Variants in ROR1 observed in about 807,000 individuals in gnomAD.
ROR1 encodes ROR family WNT receptor 1, also known as inactive tyrosine-protein kinase transmembrane receptor ROR1.
Under a neutral mutation model 78.8 loss-of-function variants are expected in ROR1, and 19 were observed. The observed-to-expected ratio is 0.24, with a 90% CI of 0.17 to 0.35. ROR1 has a LOEUF of 0.35. ROR1 is among the 10% of genes least tolerant of loss of function. The pLI, the probability that ROR1 is intolerant of heterozygous loss-of-function variation, is 1.00. For synonymous variants in ROR1, 386 were observed against 433.6 expected, an observed-to-expected ratio of 0.89 and a Z score of 1.36; for missense variants, 917 against 1,177.8, an observed-to-expected ratio of 0.78 and a Z score of 3.24.
At chr1:63,970,379 A>G (rs1294149755) in intron 1 of ROR1, among the ~76,000 whole-genome samples, 1 of 152,230 alleles carries the variant, frequency 6.6e-6, no homozygotes, top group Non-Finnish European at 1.5e-5. Context: ...ATTGATTAAA[A>G]GATAAATTTT....
At chr1:63,776,529 T>C (rs1055011688) in intron 1 of ROR1, among the ~76,000 whole-genome samples, 2 of 152,062 alleles carry the variant, frequency 1.3e-5, no homozygotes, top group Non-Finnish European at 2.9e-5. Flanking sequence ...CAGAACAGGA[T>C]AGGGATTTTT....
At chr1:64,089,789 T>C (rs1647180757) in intron 4 of ROR1, among the ~76,000 whole-genome samples, 1 of 152,158 alleles carries the variant, frequency 6.6e-6, no homozygotes, top group Non-Finnish European at 1.5e-5. Context: ...TACGGTTTGG[T>C]TGTTTCCCTA....
chr1:63,903,071 C>T (rs1645498830), intron 1 of ROR1, among the ~76,000 whole-genome samples: 1 of 152,146 alleles, frequency 6.6e-6, no homozygotes, highest in Non-Finnish European at 1.5e-5. Context: ...ACATGACCAC[C>T]CTCAGCTGCC....
rs112423773 is a variant in ROR1 at position 64,014,713 on chromosome 1, C to CTATATATATATA, written c.163+5340_163+5351dup. On this transcript the variant is annotated intron_variant, in intron 2 of 8. Transcript: ENST00000371079. ...GCAAATAGTTCTCTGTGCTGACAGA[C>CTATATATATATA]TATATATATATATACACATACGCAC... Among the ~76,000 whole-genome samples the CTATATATATATA allele has an allele frequency of 9.2e-4, 27 of 29,318 alleles. 5 individuals are homozygous for CTATATATATATA. The South Asian group carries it at 0.048, about 53-fold the overall frequency. The allele number at this position is 29,318 out of a possible 152,430, so 19.2% of individuals were successfully genotyped here. A position where few individuals can be genotyped will look rare whatever the true frequency, so the allele number is the denominator to read the frequency against.
In ROR1 at chr1:63,944,145, A is replaced by C. The variant is rs548417277; in HGVS notation, c.92-65160A>C. Among the ~76,000 whole-genome samples, 12 of 152,322 alleles carry C rather than the reference A, an allele frequency of 7.9e-5. No homozygotes were observed. The South Asian group carries it at 2.5e-3, about 32-fold the overall frequency. On this transcript the variant is annotated intron_variant, in intron 1 of 8. Coordinates refer to ENST00000371079, the MANE Select transcript of ROR1 (RefSeq NM_005012.4). ...ATATGCTTCTAGTCTCTCATGCCTG[A>C]AATAAACTTGCTGGAATGTGAGTCT...
At chr1:63,871,016 A>G (rs1443479268) in intron 1 of ROR1, among the ~76,000 whole-genome samples, 1 of 152,210 alleles carries the variant, frequency 6.6e-6, no homozygotes, top group East Asian at 1.9e-4. Context: ...TGCCCACCTC[A>G]CTTGGTTGTG....
chr1:63,904,361 G>A (rs555804160), intron 1 of ROR1, among the ~76,000 whole-genome samples: 2 of 152,196 alleles, frequency 1.3e-5, no homozygotes, highest in Non-Finnish European at 2.9e-5. Context: ...AGTTGGAAGA[G>A]CCATGCCCTT....
intron 4 of ROR1, among the ~76,000 whole-genome samples, chr1:64,085,037 G>A (rs981581744): frequency 3.9e-5 from 6 of 152,118 alleles, no homozygotes; most frequent in Admixed American, 6.5e-5. Flanking sequence ...CAAAATCAAC[G>A]GAGTGAGCAT....
chr1:63,910,317 C>A (rs1645560926), intron 1 of ROR1, among the ~76,000 whole-genome samples: 1 of 152,142 alleles, frequency 6.6e-6, no homozygotes, highest in Non-Finnish European at 1.5e-5. Context: ...CTGACCAAGA[C>A]AATGTCCTTG....
At chr1:63,997,180 A>G (rs1646343678) in intron 1 of ROR1, among the ~76,000 whole-genome samples, 1 of 152,162 alleles carries the variant, frequency 6.6e-6, no homozygotes, top group Non-Finnish European at 1.5e-5. Flanking sequence ...ATCTATGCCT[A>G]GAGTAGGATG....
chr1:64,059,096 T>C (rs992619401), intron 4 of ROR1, among the ~76,000 whole-genome samples: 2 of 152,226 alleles, frequency 1.3e-5, no homozygotes, highest in Non-Finnish European at 2.9e-5. Flanking sequence ...TGAGATTATC[T>C]AAGTTATTTT....
At chr1:63,891,004 C>T (rs1239004263) in intron 1 of ROR1, among the ~76,000 whole-genome samples, 2 of 152,126 alleles carry the variant, frequency 1.3e-5, no homozygotes, top group East Asian at 3.9e-4. Context: ...TATTTTTCTG[C>T]CTGGTGTTCA....
chr1:63,843,284 G>T (rs879057843), intron 1 of ROR1: 4 of 1,432,558 alleles, frequency 2.8e-6, no homozygotes, highest in Non-Finnish European at 3.9e-6. Flanking sequence ...AGCAGTTTGT[G>T]TGTAATTCAT....
chr1:63,992,422 G>A (rs1029624760), intron 1 of ROR1, among the ~76,000 whole-genome samples: 1 of 152,098 alleles, frequency 6.6e-6, no homozygotes, highest in Non-Finnish European at 1.5e-5. Context: ...TGGCCAGGAT[G>A]GTCTTGAACT....
At chr1:64,080,993 C>T (rs1003601792) in intron 4 of ROR1, among the ~76,000 whole-genome samples, 3 of 152,246 alleles carry the variant, frequency 2.0e-5, no homozygotes, top group Non-Finnish European at 4.4e-5. Flanking sequence ...CATGTACCTA[C>T]ACCTCTGTGT....
intron 7 of ROR1, among the ~76,000 whole-genome samples, chr1:64,156,016 T>A (rs1006303301): frequency 6.6e-6 from 1 of 152,174 alleles, no homozygotes; most frequent in Non-Finnish European, 1.5e-5. Flanking sequence ...TCGTATTTAT[T>A]CCATTGAATA....
chr1:64,125,502 A>G (rs1648678920), intron 4 of ROR1, among the ~76,000 whole-genome samples: 1 of 152,158 alleles, frequency 6.6e-6, no homozygotes, highest in African/African-American at 2.4e-5. Context: ...GGTGTTTAGT[A>G]AAGCTTCAAA....
chr1:63,934,947 A>G (rs971882996), intron 1 of ROR1, among the ~76,000 whole-genome samples: 1 of 151,728 alleles, frequency 6.6e-6, no homozygotes, highest in African/African-American at 2.4e-5. Flanking sequence ...ACAATTTATC[A>G]TGCTTCTTTT....
chr1:64,012,094 A>C (rs1343856585), intron 2 of ROR1, among the ~76,000 whole-genome samples: 1 of 152,226 alleles, frequency 6.6e-6, no homozygotes, highest in Non-Finnish European at 1.5e-5. Flanking sequence ...ATGAAGAACA[A>C]GTTCAATACT....
Sources: gnomAD v4.1 joint callset for allele counts (sites outside exome capture counted in the v4.1 genomes callset) on GRCh38, gnomAD v4.1.1 for gene constraint, MANE v1.5 for transcripts, NCBI Gene and HGNC (gene_info 2026-07-23, HGNC 2026-07-21) for gene names.